ZNF423: variants seen among roughly 807,000 people sequenced by gnomAD.
ZNF423 encodes zinc finger protein 423.
Under a neutral mutation model 95.8 loss-of-function variants are expected in ZNF423, and 12 were observed. That is an observed-to-expected ratio of 0.13 (90% CI 0.08 to 0.20). The LOEUF (loss-of-function observed/expected upper bound fraction) is 0.20. Among genes scored for constraint, ZNF423 ranks in the 10% least tolerant of loss-of-function variants. The probability of loss-of-function intolerance (pLI) is 1.00; values close to 1 mark genes in which losing one functional copy is unlikely to be tolerated. For synonymous variants in ZNF423, 749 were observed against 711.9 expected (o/e 1.05, Z -0.83); for missense variants, 1,316 against 1,737.1 (o/e 0.76, Z 4.31).
intron 5 of ZNF423, among the ~76,000 whole-genome samples, chr16:49,577,010 C>A (rs1171776704): frequency 6.6e-6 from 1 of 152,188 alleles, no homozygotes. Context: ...TCAAAAGAAT[C>A]TGGAAATAAC....
rs374791815 is a variant in ZNF423, at chr16:49,638,804, C to A, written c.372G>T (p.Thr124=). ...GGTCACAACCATCTCCGATCATCTG[C>A]GTGGGTGACGCAACATCCTTGCTGG... is the stretch of plus-strand genomic sequence containing the variant. ...SPSSKDVASP[T]QMIGDGCDLG... is the part of the protein sequence containing the mutation. The change falls in exon 4 of 8, where the codon ACG becomes ACT. Residue 124 remains threonine, a synonymous_variant. Transcript: ENST00000563137. This position sits in a 1 kb window ranked among gnomAD's most constrained non-coding sequence, Gnocchi z 5.6. The A allele has an allele frequency of 1.2e-6, 2 of 1,614,038 alleles. No individual in the cohort carries two copies. The highest frequency in any genetic ancestry group is 1.7e-6 in the Non-Finnish European group (2 of 1,179,948).
At chr16:49,683,137 C>T (rs1596849080) in intron 3 of ZNF423, among the ~76,000 whole-genome samples, 1 of 152,180 alleles carries the variant, frequency 6.6e-6, no homozygotes, top group Non-Finnish European at 1.5e-5. Flanking sequence ...GGGTGCCTGG[C>T]GTCTGCCTCC....
rs1263102745 is a variant in ZNF423 at position 49,488,971 on chromosome 16, A to G, written c.*2304T>C. On this transcript the variant is annotated 3_prime_UTR_variant, in exon 8 of 8. Coordinates refer to ENST00000563137, the MANE Select transcript of ZNF423 (RefSeq NM_001379286.1). ...GTTCCCTGGCTGCCTTGTCACCGCC[A>G]TAAACCTCATTACCTCACGGTCCCC... is the stretch of plus-strand genomic sequence containing the variant. 1 of 152,380 alleles carries G rather than the reference A, an allele frequency of 6.6e-6. No homozygotes were observed. The highest frequency in any genetic ancestry group is 1.5e-5 in the Non-Finnish European group (1 of 68,296). 9.4% of individuals were successfully genotyped at this position (152,380 alleles called of 1,614,324 possible). A position where few individuals can be genotyped will look rare whatever the true frequency, so the allele number is the denominator to read the frequency against.
intron 5 of ZNF423, among the ~76,000 whole-genome samples, chr16:49,623,414 C>A (rs1022112373): frequency 6.6e-6 from 1 of 152,232 alleles, no homozygotes; most frequent in Non-Finnish European, 1.5e-5. Flanking sequence ...AGCTTCCAGG[C>A]TCTGCACTAA....
Position 49,490,484 on chromosome 16 carries a change from G to A in ZNF423, c.*791C>T, listed in dbSNP as rs577543652. The A allele has an allele frequency of 6.6e-6, 1 of 152,576 alleles. No individual in the cohort carries two copies. Among genetic ancestry groups the A allele is most frequent in the East Asian group, 1.9e-4 (1 of 5,180 alleles). The allele number at this position is 152,576 out of a possible 1,614,324, so 9.5% of individuals were successfully genotyped here. On this transcript the variant is annotated 3_prime_UTR_variant, in exon 8 of 8. Transcript: ENST00000563137. ...TTTTCCAAGGGGAGCAGGGTCTATT[G>A]TGTGCAGGTCCCCAAGGGCGTGTGC...
At chr16:49,524,453 G>A (rs1001803563) in intron 6 of ZNF423, among the ~76,000 whole-genome samples, 1 of 152,178 alleles carries the variant, frequency 6.6e-6, no homozygotes, top group Non-Finnish European at 1.5e-5. Flanking sequence ...ACAGATGGGT[G>A]GGGGCTCCTG....
intron 4 of ZNF423, among the ~76,000 whole-genome samples, chr16:49,631,718 G>A (rs1972507714): frequency 6.6e-6 from 1 of 152,196 alleles, no homozygotes; most frequent in African/African-American, 2.4e-5. Flanking sequence ...AAGGAGAGAA[G>A]GAAAAGCCAG....
chr16:49,788,065 G>A (rs2034347267), intron 2 of ZNF423, among the ~76,000 whole-genome samples: 1 of 152,216 alleles, frequency 6.6e-6, no homozygotes, highest in African/African-American at 2.4e-5. Flanking sequence ...TATCTGCCCA[G>A]TGCTGACCCC....
At chr16:49,532,032 A>T (rs1968865519) in intron 5 of ZNF423, among the ~76,000 whole-genome samples, 1 of 152,254 alleles carries the variant, frequency 6.6e-6, no homozygotes, top group South Asian at 2.1e-4. Context: ...TGCTGTCCCG[A>T]AGCTGGGTTT....
chr16:49,739,701 T>G (rs571533089), intron 2 of ZNF423, among the ~76,000 whole-genome samples: 1,628 of 147,674 alleles, frequency 0.011, 21 homozygotes, highest in South Asian at 0.028. Context: ...GTTTGGTTTT[T>G]TTTTTTTTTT....
intron 7 of ZNF423, among the ~76,000 whole-genome samples, chr16:49,496,894 G>A (rs751741297): frequency 6.6e-6 from 1 of 152,204 alleles, no homozygotes; most frequent in African/African-American, 2.4e-5. Context: ...CTTACAGTGA[G>A]GGCCTCATAG....
chr16:49,750,833 AC>A (rs1415031698), intron 2 of ZNF423, among the ~76,000 whole-genome samples: 1 of 152,222 alleles, frequency 6.6e-6, no homozygotes, highest in Non-Finnish European at 1.5e-5. Context: ...GGAGAGCCTC[AC>A]TGAGGAAGCA....
rs1297053361 is a variant in ZNF423, at chr16:49,492,702, C to G, written c.3850-1398G>C. ...CTCGTGCTCATGCGGGCGGAGCAGG[C>G]GCACGGCCGGGGCTTGGTGGGCATG... On this transcript the variant is annotated intron_variant, in intron 7 of 7. Coordinates refer to ENST00000563137, the MANE Select transcript of ZNF423 (RefSeq NM_001379286.1). This position sits in a 1 kb window ranked among gnomAD's most constrained non-coding sequence, Gnocchi z 4.2. Among the ~76,000 whole-genome samples, 1 of 152,216 alleles carries G rather than the reference C, an allele frequency of 6.6e-6. No individual in the cohort carries two copies. The highest frequency in any genetic ancestry group is 1.5e-5 in the Non-Finnish European group (1 of 68,020).
At chr16:49,659,081 G>A (rs945456683) in intron 3 of ZNF423, among the ~76,000 whole-genome samples, 3 of 152,016 alleles carry the variant, frequency 2.0e-5, no homozygotes, top group Non-Finnish European at 2.9e-5. Flanking sequence ...TTGTTTTAGC[G>A]GGGGGTGGTT....
At chr16:49,705,336 C>T (rs2032315180) in intron 3 of ZNF423, among the ~76,000 whole-genome samples, 1 of 152,080 alleles carries the variant, frequency 6.6e-6, no homozygotes, top group African/African-American at 2.4e-5. Flanking sequence ...CACAATGGAA[C>T]AGTATAAAGC....
intron 5 of ZNF423, among the ~76,000 whole-genome samples, chr16:49,599,048 C>A (rs1475624800): frequency 2.0e-5 from 3 of 152,206 alleles, no homozygotes; most frequent in Non-Finnish European, 4.4e-5. Flanking sequence ...ACACCAGGCA[C>A]CCCGGGCTCA....
rs188113291 is a variant in ZNF423, at chr16:49,821,726, T to C, written c.41-32180A>G. Among the ~76,000 whole-genome samples the C allele has an allele frequency of 7.2e-4, 110 of 152,274 alleles. 1 individual carries two copies. Among genetic ancestry groups the C allele is most frequent in the Admixed American group, 5.0e-3 (76 of 15,296 alleles). On this transcript the variant is annotated intron_variant, in intron 1 of 7. Coordinates refer to ENST00000563137, the MANE Select transcript of ZNF423 (RefSeq NM_001379286.1). Reference sequence around the variant, plus strand: ...CTCCTCTGCCCCTGCTGCTCTCTTTTTCCCTCCCCCGGTGTGTGCGAAGGC... The same window carrying C: ...CTCCTCTGCCCCTGCTGCTCTCTTTCTCCCTCCCCCGGTGTGTGCGAAGGC...
At chr16:49,759,545 G>C (rs2033789152) in intron 2 of ZNF423, among the ~76,000 whole-genome samples, 1 of 152,214 alleles carries the variant, frequency 6.6e-6, no homozygotes, top group African/African-American at 2.4e-5. Context: ...ACCCTGGCGG[G>C]ACCACAGCAG....
intron 5 of ZNF423, among the ~76,000 whole-genome samples, chr16:49,611,719 T>G (rs1338212362): frequency 2.6e-5 from 4 of 151,640 alleles, no homozygotes; most frequent in Non-Finnish European, 5.9e-5. Context: ...TTTAAAAGAT[T>G]GATAAAATTG....
Sources: gnomAD v4.1 joint callset for allele counts (sites outside exome capture counted in the v4.1 genomes callset) on GRCh38, gnomAD v4.1.1 for gene constraint, Gnocchi (gnomAD v3.1) non-coding constraint, MANE v1.5 for transcripts, NCBI Gene and HGNC (gene_info 2026-07-23, HGNC 2026-07-21) for gene names.